SNTG2: variants seen among roughly 807,000 people sequenced by gnomAD.
SNTG2 encodes the protein syntrophin gamma 2.
Under a neutral mutation model 70.9 loss-of-function variants are expected in SNTG2, and 74 were observed. The observed-to-expected ratio is 1.04, with a 90% CI of 0.86 to 1.27. The LOEUF is 1.27. SNTG2 is among the 50% of genes most tolerant of loss of function. SNTG2 has a pLI of 0.00. For synonymous variants in SNTG2, 278 were observed against 273.8 expected (o/e 1.02, Z -0.15); for missense variants, 717 against 690.7 (o/e 1.04, Z -0.43).
In SNTG2 at chr2:1,012,587, AAGGGCAGAGAGAAGGG is replaced by A. The variant is rs1382589254; in HGVS notation, c.72+61520_72+61535del. On this transcript the variant is annotated intron_variant, in intron 1 of 16. Transcript: ENST00000308624. ...AAGGGTGGTCTGGAGAAGGATTTAT[AAGGGCAGAGAGAAGGG>A]TGGTCTGGAAAGGGATTTATAAGGA... Among the ~76,000 whole-genome samples, 185 of 146,450 alleles carry A rather than the reference AAGGGCAGAGAGAAGGG, an allele frequency of 1.3e-3. 20 individuals carry two copies. Among genetic ancestry groups the A allele is most frequent in the Non-Finnish European group, 1.7e-3 (107 of 64,780 alleles).
chr2:974,500 A>C (rs1307428900), intron 1 of SNTG2, among the ~76,000 whole-genome samples: 3 of 152,186 alleles, frequency 2.0e-5, no homozygotes, highest in African/African-American at 7.2e-5. Context: ...TGACCCCTGC[A>C]TGCAGGAGCT....
intron 4 of SNTG2, among the ~76,000 whole-genome samples, chr2:1,129,521 C>T (rs900162343): frequency 6.6e-6 from 1 of 152,208 alleles, no homozygotes; most frequent in Non-Finnish European, 1.5e-5. Flanking sequence ...TCATCTGAGA[C>T]AAACCATAGA....
intron 9 of SNTG2, among the ~76,000 whole-genome samples, chr2:1,228,961 G>C (rs1372779413): frequency 1.3e-5 from 2 of 152,050 alleles, no homozygotes; most frequent in East Asian, 1.9e-4. Context: ...TTAAGGCGGT[G>C]CGTCTGGAGT....
At chr2:1,329,324 G>C (rs1238771127) in intron 16 of SNTG2, among the ~76,000 whole-genome samples, 1 of 152,154 alleles carries the variant, frequency 6.6e-6, no homozygotes, top group South Asian at 2.1e-4. Flanking sequence ...TAAACCAAAG[G>C]TGTATGTGCA....
chr2:1,244,877 G>C (rs1677317388), intron 11 of SNTG2, among the ~76,000 whole-genome samples: 1 of 151,946 alleles, frequency 6.6e-6, no homozygotes, highest in South Asian at 2.1e-4. Flanking sequence ...GCAGCCAGCT[G>C]CTCCGAAGAT....
chr2:1,064,165 C>G (rs1003514143), intron 1 of SNTG2, among the ~76,000 whole-genome samples: 1 of 151,202 alleles, frequency 6.6e-6, no homozygotes, highest in African/African-American at 2.4e-5. Flanking sequence ...AATAATGAAC[C>G]TAGAATTCTG....
intron 8 of SNTG2, among the ~76,000 whole-genome samples, chr2:1,197,713 T>C (rs1284669150): frequency 6.6e-6 from 1 of 151,888 alleles, no homozygotes; most frequent in Non-Finnish European, 1.5e-5. Context: ...TTTTGTACTT[T>C]GGTAGGGATG....
At chr2:1,239,631 G>A in intron 10 of SNTG2, 107 bp from the exon 11 acceptor site, 1 of 1,139,512 alleles carries the variant, frequency 8.8e-7, no homozygotes. Flanking sequence ...CATTAAAGAG[G>A]CCTGTTTCCC....
At chr2:1,294,464 G>T (rs940091057) in intron 14 of SNTG2, among the ~76,000 whole-genome samples, 1 of 152,220 alleles carries the variant, frequency 6.6e-6, no homozygotes, top group African/African-American at 2.4e-5. Flanking sequence ...GAAAAACAGA[G>T]ATTTAGCTTT....
intron 6 of SNTG2, among the ~76,000 whole-genome samples, chr2:1,157,978 A>G (rs951435974): frequency 3.9e-5 from 6 of 152,192 alleles, no homozygotes; most frequent in South Asian, 2.1e-4. Context: ...TAGCATTTCA[A>G]AGTTACCTTG....
intron 1 of SNTG2, among the ~76,000 whole-genome samples, chr2:1,043,795 A>G (rs1269505381): frequency 3.9e-5 from 6 of 152,194 alleles, no homozygotes; most frequent in Non-Finnish European, 7.3e-5. Context: ...TAACAGTACT[A>G]TGCTATTTTA....
chr2:1,216,646 C>T (rs1386648107), intron 9 of SNTG2, among the ~76,000 whole-genome samples: 1 of 152,196 alleles, frequency 6.6e-6, no homozygotes, highest in Non-Finnish European at 1.5e-5. Context: ...AGGGCCCATT[C>T]AGCATCTACA....
At chr2:1,089,290 G>C (rs1397844251) in intron 2 of SNTG2, among the ~76,000 whole-genome samples, 1 of 152,200 alleles carries the variant, frequency 6.6e-6, no homozygotes, top group Non-Finnish European at 1.5e-5. Flanking sequence ...AATAAGGAAA[G>C]TTCTGGTTTA....
intron 1 of SNTG2, among the ~76,000 whole-genome samples, chr2:1,069,100 A>G (rs1248697102): frequency 1.3e-5 from 2 of 152,230 alleles, no homozygotes; most frequent in African/African-American, 2.4e-5. Flanking sequence ...CACATGGTTT[A>G]TGATGGAAGG....
At chr2:1,177,232 G>C (rs1671540883) in intron 8 of SNTG2, among the ~76,000 whole-genome samples, 1 of 152,114 alleles carries the variant, frequency 6.6e-6, no homozygotes, top group East Asian at 1.9e-4. Context: ...GGCAGGAACA[G>C]AAAAGCAAAC....
intron 1 of SNTG2, among the ~76,000 whole-genome samples, chr2:1,001,861 A>G (rs1442671291): frequency 5.3e-5 from 8 of 152,152 alleles, no homozygotes; most frequent in Non-Finnish European, 1.5e-5. Context: ...CTGACTTCAA[A>G]TTATACTACA....
chr2:1,326,119 C>T (rs1351161363), intron 16 of SNTG2, among the ~76,000 whole-genome samples: 1 of 152,096 alleles, frequency 6.6e-6, no homozygotes, highest in African/African-American at 2.4e-5. Context: ...AGGCATGAGC[C>T]GCTGCACCCA....
At chr2:1,102,115 A>G (rs1044498750) in intron 4 of SNTG2, among the ~76,000 whole-genome samples, 9 of 152,234 alleles carry the variant, frequency 5.9e-5, no homozygotes, top group Admixed American at 1.3e-4. Flanking sequence ...GAAGGCAGGC[A>G]GTGAACACGT....
chr2:1,169,019 T>A (rs1448394764), intron 7 of SNTG2, among the ~76,000 whole-genome samples: 1 of 152,110 alleles, frequency 6.6e-6, no homozygotes, highest in Non-Finnish European at 1.5e-5. Flanking sequence ...ACAGAAGTTC[T>A]TGGAGCCAGC....
Sources: allele counts gnomAD v4.1 joint callset (sites outside exome capture counted in the v4.1 genomes callset), GRCh38; gene constraint gnomAD v4.1.1; transcripts MANE v1.5; gene names NCBI Gene and HGNC (gene_info 2026-07-23, HGNC 2026-07-21).